PAPPA2: variants seen among roughly 807,000 people sequenced by gnomAD.
PAPPA2 encodes the protein pappalysin 2.
Under a neutral mutation model 176.4 loss-of-function variants are expected in PAPPA2, and 86 were observed. The ratio of observed to expected loss-of-function variants is 0.49; its 90% CI spans 0.41 to 0.58. The LOEUF is 0.58. Among genes scored for constraint, PAPPA2 ranks in the 20% least tolerant of loss-of-function variants. The pLI is 0.00. For synonymous variants in PAPPA2, 809 were observed against 852.2 expected, an observed-to-expected ratio of 0.95 and a Z score of 0.88; for missense variants, 2,073 against 2,256.9, an observed-to-expected ratio of 0.92 and a Z score of 1.65.
At chr1:176,755,104 A>G (rs1663354572) in intron 14 of PAPPA2, among the ~76,000 whole-genome samples, 1 of 152,170 alleles carries the variant, frequency 6.6e-6, no homozygotes, top group Non-Finnish European at 1.5e-5. Flanking sequence ...AGAACTGAAG[A>G]CAATAATATT....
At chr1:176,645,023 T>C (rs992630744) in intron 3 of PAPPA2, among the ~76,000 whole-genome samples, 4 of 151,904 alleles carry the variant, frequency 2.6e-5, no homozygotes, top group African/African-American at 9.7e-5. Flanking sequence ...TATATTCATA[T>C]AATTTGTAAA....
chr1:176,634,164 C>T (rs1450756043), intron 3 of PAPPA2, among the ~76,000 whole-genome samples: 1 of 152,082 alleles, frequency 6.6e-6, no homozygotes, highest in Non-Finnish European at 1.5e-5. Context: ...TGCAACACTA[C>T]TCACAATAGC....
rs1204447549 is a variant in PAPPA2 at position 176,690,446 on chromosome 1, T to G, written c.2431+16T>G. 1 of 1,608,384 alleles carries G rather than the reference T, an allele frequency of 6.2e-7. No homozygotes were observed. On this transcript the variant is annotated intron_variant, in intron 5 of 22. Transcript: ENST00000367662. The stretch of plus-strand genomic sequence containing the variant: ...AGCTACACGGGTATCACCACTGTCT[T>G]GTTTTGTTTTCTGTTAAGAATACAT...
chr1:176,803,228 C>A (rs1665758303), intron 21 of PAPPA2, among the ~76,000 whole-genome samples: 1 of 152,086 alleles, frequency 6.6e-6, no homozygotes, highest in South Asian at 2.1e-4. Flanking sequence ...ACTGGGTCAA[C>A]AAAGCTATTT....
chr1:176,785,312 C>G (rs1664887994), intron 17 of PAPPA2, among the ~76,000 whole-genome samples: 1 of 152,126 alleles, frequency 6.6e-6, no homozygotes. Flanking sequence ...CAAAATGAGA[C>G]AGCCCTCACT....
chr1:176,675,672 G>A lies in PAPPA2; in HGVS notation c.2137+4557G>A, dbSNP rs567364814. On this transcript the variant is annotated intron_variant, in intron 4 of 22. Coordinates refer to ENST00000367662, the MANE Select transcript of PAPPA2 (RefSeq NM_020318.3). ...CATGAAAAATTTCTATTGTAAATTA[G>A]AGTTCTAGAAGAAGACAAACAAATT... Among the ~76,000 whole-genome samples the A allele has an allele frequency of 5.9e-5, 9 of 152,186 alleles. No homozygotes were observed. The East Asian group carries it at 1.7e-3, about 29-fold the overall frequency.
chr1:176,703,888 TG>T (rs1166128649), intron 9 of PAPPA2, among the ~76,000 whole-genome samples: 1 of 152,206 alleles, frequency 6.6e-6, no homozygotes, highest in African/African-American at 2.4e-5. Context: ...CTCCCTTGGA[TG>T]CTTCACATTG....
chr1:176,795,358 A>T (rs1057130859), intron 20 of PAPPA2, among the ~76,000 whole-genome samples: 4 of 152,138 alleles, frequency 2.6e-5, no homozygotes, highest in Non-Finnish European at 5.9e-5. Context: ...GGCTGCAGGA[A>T]ATCAAAGGGC....
intron 1 of PAPPA2, among the ~76,000 whole-genome samples, chr1:176,473,790 T>C (rs1424272131): frequency 6.6e-6 from 1 of 152,250 alleles, no homozygotes; most frequent in East Asian, 1.9e-4. Flanking sequence ...TATATGATGT[T>C]GAACGTCTTT....
chr1:176,468,359 T>G (rs972031575), intron 1 of PAPPA2, among the ~76,000 whole-genome samples: 2 of 152,186 alleles, frequency 1.3e-5, no homozygotes, highest in Admixed American at 1.3e-4. Context: ...ATCTGCTTAT[T>G]AGGTCCACCC....
At position 176,771,096 on chromosome 1, in the gene PAPPA2, A is replaced by G; in HGVS notation, c.4631A>G (p.Asp1544Gly). 1.2e-6 allele frequency: 2 copies of G among 1,614,178 alleles called. No homozygotes were observed. The highest frequency in any genetic ancestry group is 1.7e-6 in the Non-Finnish European group (2 of 1,180,028). Residue 1544 changes from aspartate to glycine, a missense_variant, in exon 17 of 23, where the codon GAC (aspartate) becomes GGC (glycine). Around this residue, in one of 4 missense-constraint regions of PAPPA2, gnomAD observed 846 missense variants for 857.9 expected, o/e 0.99. Coordinates refer to ENST00000367662, the MANE Select transcript of PAPPA2 (RefSeq NM_020318.3). ...ANLLLPHCLQ[D>G]NHDVGTICKY... ...TTGCTCCTGCCTCACTGCCTCCAGG[A>G]CAACCACGACGTGGGCACCATCTGC...
In PAPPA2 at chr1:176,730,100, A is replaced by T. The variant is rs538526356; in HGVS notation, c.3799-9526A>T. Reference sequence around the variant, plus strand: ...TTTTGCATGTAGAATTATTTTATATATTCATTTTTTGAATATTCCAATTAT... The same window carrying T: ...TTTTGCATGTAGAATTATTTTATATTTTCATTTTTTGAATATTCCAATTAT... On this transcript the variant is annotated intron_variant, in intron 12 of 22. Coordinates refer to ENST00000367662, the MANE Select transcript of PAPPA2 (RefSeq NM_020318.3). Among the ~76,000 whole-genome samples, 12 of 152,026 alleles carry T rather than the reference A, an allele frequency of 7.9e-5. No individual in the cohort carries two copies. In the East Asian group the frequency reaches 2.3e-3, roughly 29 times the overall value.
chr1:176,735,712 CTATCTATCT>C (rs1662374597), intron 12 of PAPPA2, among the ~76,000 whole-genome samples: 1 of 151,644 alleles, frequency 6.6e-6, no homozygotes, highest in East Asian at 1.9e-4. Flanking sequence ...ATCTATCTAT[CTATCTATCT>C]ATCTATCTAT....
intron 1 of PAPPA2, among the ~76,000 whole-genome samples, chr1:176,545,565 G>C (rs2102572745): frequency 6.6e-6 from 1 of 152,168 alleles, no homozygotes; most frequent in South Asian, 2.1e-4. Flanking sequence ...TTTAGGTATT[G>C]TAAGTAATCT....
In PAPPA2 at chr1:176,623,758, C is replaced by CCTTCCTTCCTTTCTTTCTTT. The variant is rs1198828841; in HGVS notation, c.1991+28166_1991+28167insCCTTCCTTTCTTTCTTTCTT. Among the ~76,000 whole-genome samples, 122 of 59,024 alleles carry CCTTCCTTCCTTTCTTTCTTT rather than the reference C, an allele frequency of 2.1e-3. 2 individuals carry two copies. Among genetic ancestry groups the CCTTCCTTCCTTTCTTTCTTT allele is most frequent in the Middle Eastern group, 0.011 (1 of 90 alleles). 38.7% of individuals were successfully genotyped at this position (59,024 alleles called of 152,430 possible). ...TTTCTTTCTCTCTCTTTCCTTCCTTCCTTTCTTTCTTTCTTTCTTTCTTTC... is the reference window on the plus strand; with the variant it reads ...TTTCTTTCTCTCTCTTTCCTTCCTTCCTTCCTTCCTTTCTTTCTTTCTTTCTTTCTTTCTTTCTTTCTTTC... On this transcript the variant is annotated intron_variant, in intron 3 of 22. Coordinates refer to ENST00000367662, the MANE Select transcript of PAPPA2 (RefSeq NM_020318.3).
At position 176,747,284 on chromosome 1, in the gene PAPPA2, A is replaced by G. The variant is rs190745928; in HGVS notation, c.4151+7088A>G. 1.4e-3 allele frequency among the ~76,000 whole-genome samples: 213 copies of G among 152,332 alleles called. 4 individuals are homozygous for G. The highest frequency in any genetic ancestry group is 2.2e-4 in the Non-Finnish European group (15 of 68,028). On this transcript the variant is annotated intron_variant, in intron 14 of 22. Transcript: ENST00000367662. The stretch of plus-strand genomic sequence containing the variant: ...GCATATTTGTTTTGAGGAAATGATG[A>G]CTTGTAAATTCAGGCTCCAAGTAAT...
intron 21 of PAPPA2, among the ~76,000 whole-genome samples, chr1:176,808,201 A>G (rs946767136): frequency 6.6e-5 from 10 of 152,110 alleles, no homozygotes; most frequent in Non-Finnish European, 1.2e-4. Flanking sequence ...TTTTAAATGC[A>G]GATTCTTAGG....
At chr1:176,704,970 G>T (rs769329614) in intron 9 of PAPPA2, among the ~76,000 whole-genome samples, 2 of 151,926 alleles carry the variant, frequency 1.3e-5, no homozygotes, top group Non-Finnish European at 2.9e-5. Flanking sequence ...CTGTTGGGCC[G>T]CATGGCACAA....
At chr1:176,690,111 A>G (rs201299386) in intron 4 of PAPPA2, 26 bp from the exon 5 acceptor site, 17 of 1,572,042 alleles carry the variant, frequency 1.1e-5, no homozygotes, top group Non-Finnish European at 1.4e-5. Context: ...TGTGCTCTGA[A>G]AGGCTTTTCA....
Sources: allele counts gnomAD v4.1 joint callset (sites outside exome capture counted in the v4.1 genomes callset), GRCh38; gene constraint gnomAD v4.1.1; regional missense constraint gnomAD v4.1.1; transcripts MANE v1.5; gene names NCBI Gene and HGNC (gene_info 2026-07-23, HGNC 2026-07-21).